Variants in SYNPO2 observed in about 807,000 individuals in gnomAD.
SYNPO2 encodes the protein synaptopodin 2.
Under a neutral mutation model 85.0 loss-of-function variants are expected in SYNPO2, and 56 were observed. The ratio of observed to expected loss-of-function variants is 0.66; its 90% CI spans 0.53 to 0.82. The LOEUF is 0.82. Among genes scored for constraint, SYNPO2 ranks in the 40% least tolerant of loss-of-function variants. SYNPO2 has a pLI of 0.00. For missense variants in SYNPO2, 1,575 were observed against 1,534.2 expected (o/e 1.03, Z -0.44); for synonymous variants, 602 against 591.1 (o/e 1.02, Z -0.27).
intron 4 of SYNPO2, 45 bp downstream of exon 4, chr4:119,032,072 C>T: frequency 1.2e-6 from 2 of 1,601,690 alleles, no homozygotes; most frequent in African/African-American, 1.3e-5. Flanking sequence ...GTAGCTGAAG[C>T]TGAGTGTCCA....
upstream of SYNPO2, among the ~76,000 whole-genome samples, chr4:118,887,406 T>C (rs1291232956): frequency 1.3e-5 from 2 of 152,202 alleles, no homozygotes; most frequent in Non-Finnish European, 2.9e-5. Context: ...TAGATGATGC[T>C]GTATGAAATT....
intron 1 of SYNPO2, among the ~76,000 whole-genome samples, chr4:118,990,373 C>G (rs541079658): frequency 6.6e-6 from 1 of 152,176 alleles, no homozygotes. Flanking sequence ...GGAAATACAT[C>G]TTTGCTTGAC....
intron 1 of SYNPO2, among the ~76,000 whole-genome samples, chr4:118,936,751 A>G (rs907189909): frequency 2.0e-5 from 3 of 152,188 alleles, no homozygotes; most frequent in African/African-American, 4.8e-5. Flanking sequence ...ACAATTATCT[A>G]TTAAGCCTGT....
intron 1 of SYNPO2, among the ~76,000 whole-genome samples, chr4:118,859,281 T>C (rs1459175040): frequency 6.6e-6 from 1 of 152,200 alleles, no homozygotes; most frequent in Non-Finnish European, 1.5e-5. Context: ...TAATTTTTAA[T>C]TTTTGTGGGT....
intron 1 of SYNPO2, among the ~76,000 whole-genome samples, chr4:118,877,204 T>C (rs182730406): frequency 2.6e-5 from 4 of 152,118 alleles, no homozygotes; most frequent in Admixed American, 1.3e-4. Context: ...CCTTACACCA[T>C]AAACAAAAAT....
intron 4 of SYNPO2, among the ~76,000 whole-genome samples, chr4:119,053,238 T>C (rs910932504): frequency 1.3e-5 from 2 of 152,174 alleles, no homozygotes; most frequent in African/African-American, 4.8e-5. Context: ...GAAAATTGCT[T>C]TGGGGAAATA....
chr4:118,853,381 TC>T (rs1045605253), intron 1 of SYNPO2, among the ~76,000 whole-genome samples: 5 of 151,896 alleles, frequency 3.3e-5, no homozygotes, highest in Non-Finnish European at 5.9e-5. Flanking sequence ...TTAGGATATT[TC>T]CCCCCCTCCT....
At position 119,026,951 on chromosome 4, in the gene SYNPO2, G is replaced by A. The variant is rs1478556001; in HGVS notation, c.582G>A (p.Gly194=). ...AGAAGGTAGAAGCGGTACAGCCTGG[G>A]CCTGTGGTTGAGCTGCAACTGTCCC... ...LREKVEAVQP[G]PVVELQLSLS... is the part of the protein sequence containing the mutation. Residue 194 remains glycine (G), a synonymous_variant, in exon 3 of 5, where the codon GGG becomes GGA. Transcript: ENST00000307142. 6.2e-7 allele frequency: 1 copy of A among 1,614,196 alleles called. No homozygotes were observed. Among genetic ancestry groups the A allele is most frequent in the East Asian group, 2.2e-5 (1 of 44,876 alleles).
rs773918484 is a variant in SYNPO2, at chr4:119,057,615, T to G, written c.3467T>G (p.Ile1156Ser). Reference sequence around the variant, plus strand: ...CAACCCAGAAACATCCAGGAATCCATTGTGGCAAATGTGGTTTCAGCAGCT... The same window carrying G: ...CAACCCAGAAACATCCAGGAATCCAGTGTGGCAAATGTGGTTTCAGCAGCT... Reference protein sequence around the residue: ...AFQPRNIQESIVANVVSAARR... With the variant: ...AFQPRNIQESSVANVVSAARR... The change falls in exon 5 of 5, where the codon ATT (isoleucine) becomes AGT (serine). Residue 1156 changes from isoleucine to serine, a missense_variant. By Grantham distance (142) the Ile-to-Ser change is moderately radical (BLOSUM62 -2). Transcript: ENST00000307142. 9.9e-6 allele frequency: 16 copies of G among 1,613,962 alleles called. No individual in the cohort carries two copies. In the Admixed American group the frequency reaches 2.7e-4, roughly 27 times the overall value.
At chr4:118,879,333 G>C (rs1243228729) in intron 1 of SYNPO2, among the ~76,000 whole-genome samples, 3 of 152,170 alleles carry the variant, frequency 2.0e-5, no homozygotes, top group East Asian at 3.8e-4. Flanking sequence ...AGGCTCTGGG[G>C]AACTGAACGT....
chr4:119,038,359 G>A (rs1738598172), intron 4 of SYNPO2: 2 of 929,736 alleles, frequency 2.2e-6, no homozygotes, highest in Non-Finnish European at 2.5e-6. Context: ...AGAAGCATCT[G>A]TTTTATTAGT....
intron 4 of SYNPO2, among the ~76,000 whole-genome samples, chr4:119,050,114 C>G (rs1197503422): frequency 2.6e-5 from 4 of 152,006 alleles, no homozygotes; most frequent in Non-Finnish European, 4.4e-5. Context: ...GGCAGATCAC[C>G]TGAGGTCAGG....
At chr4:119,053,507 A>G (rs1739115055) in intron 4 of SYNPO2, among the ~76,000 whole-genome samples, 1 of 152,146 alleles carries the variant, frequency 6.6e-6, no homozygotes, top group South Asian at 2.1e-4. Context: ...CACTGCTGTT[A>G]CATTTGTCAT....
At chr4:118,864,105 C>G (rs190420916) in intron 1 of SYNPO2, among the ~76,000 whole-genome samples, 1 of 138,308 alleles carries the variant, frequency 7.2e-6, no homozygotes, top group Non-Finnish European at 1.7e-5. Context: ...ATAAACTTTC[C>G]TCTTAGTACT....
chr4:118,876,005 A>T (rs1490177312), intron 1 of SYNPO2, among the ~76,000 whole-genome samples: 1 of 152,242 alleles, frequency 6.6e-6, no homozygotes, highest in East Asian at 1.9e-4. Flanking sequence ...CTACTCCAGT[A>T]CCATGAGAAG....
At chr4:118,900,703 C>CTCTCTATATATATATATATA (rs1277981772) in intron 1 of SYNPO2, among the ~76,000 whole-genome samples, 9 of 43,882 alleles carry the variant, frequency 2.1e-4, no homozygotes, top group South Asian at 9.6e-4. Context: ...CTCTCTCTCT[C>CTCTCTATATATATATATATA]TATATATATA....
In SYNPO2 at chr4:119,058,211, G is replaced by T; in HGVS notation, c.*277G>T. 1 of 222,436 alleles carries T rather than the reference G, an allele frequency of 4.5e-6. No individual in the cohort carries two copies. The highest frequency in any genetic ancestry group is 9.8e-5 in the East Asian group (1 of 10,214). The allele number at this position is 222,436 out of a possible 1,614,324, so 13.8% of individuals were successfully genotyped here. A position where few individuals can be genotyped will look rare whatever the true frequency, so the allele number is the denominator to read the frequency against. On this transcript the variant is annotated 3_prime_UTR_variant, in exon 5 of 5. Transcript: ENST00000307142. ...ATTTCACTATTTGCATTGATGTGCT[G>T]GCATTTATATGTAATTCATAATTTT...
At chr4:119,043,610 A>G (rs1324759166) in intron 4 of SYNPO2, 3 of 152,156 alleles carry the variant, frequency 2.0e-5, no homozygotes, top group Non-Finnish European at 4.4e-5. Flanking sequence ...TTATCTCAAG[A>G]CAATTATACA....
Position 118,969,034 on chromosome 4 carries a change from T to C in SYNPO2, c.106-54396T>C, listed in dbSNP as rs1160541837. 2.6e-5 allele frequency among the ~76,000 whole-genome samples: 4 copies of C among 152,206 alleles called. No individual in the cohort carries two copies. The East Asian group carries it at 7.7e-4, about 29-fold the overall frequency. ...GACCACTGTCTTAGCCTCTATGTAG[T>C]TGAGCAAGTCCAGGAGTCTTTCCAG... On this transcript the variant is annotated intron_variant, in intron 1 of 4. Coordinates refer to ENST00000307142, the MANE Select transcript of SYNPO2 (RefSeq NM_133477.3).
Sources: gnomAD v4.1 joint callset for allele counts (sites outside exome capture counted in the v4.1 genomes callset) on GRCh38, gnomAD v4.1.1 for gene constraint, MANE v1.5 for transcripts, NCBI Gene and HGNC (gene_info 2026-07-23, HGNC 2026-07-21) for gene names.